Variants in CLDN10 observed in about 807,000 individuals in gnomAD.
CLDN10 encodes claudin 10, also known as claudin-10.
A neutral mutation model predicts 22.9 loss-of-function variants in CLDN10; 15 were observed. That is an observed-to-expected ratio of 0.65 (90% CI 0.44 to 1.01). CLDN10 has a LOEUF of 1.01. CLDN10 is among the 50% of genes least tolerant of loss of function. The pLI, the probability that CLDN10 is intolerant of heterozygous loss-of-function variation, is 0.00. For missense variants in CLDN10, 247 were observed against 287.8 expected (o/e 0.86, Z 1.03); for synonymous variants, 114 against 111.4 (o/e 1.02, Z -0.15).
At chr13:95,577,034 G>A (rs1273484968) in intron 3 of CLDN10, among the ~76,000 whole-genome samples, 197 bp from the exon 4 acceptor site, 1 of 152,174 alleles carries the variant, frequency 6.6e-6, no homozygotes, top group African/African-American at 2.4e-5. Flanking sequence ...TCAGGATGTT[G>A]GGATGGTCTA....
At chr13:95,456,663 G>A (rs2042484762) in intron 1 of CLDN10, among the ~76,000 whole-genome samples, 1 of 152,118 alleles carries the variant, frequency 6.6e-6, no homozygotes, top group African/African-American at 2.4e-5. Flanking sequence ...AGGTTGAGAT[G>A]GGAGGATTGC....
At chr13:95,465,410 G>A (rs2042574002) in intron 1 of CLDN10, among the ~76,000 whole-genome samples, 1 of 152,134 alleles carries the variant, frequency 6.6e-6, no homozygotes, top group African/African-American at 2.4e-5. Flanking sequence ...CTCACTTATG[G>A]TAGTAGAATT....
chr13:95,554,885 T>C (rs1446044523), intron 1 of CLDN10, among the ~76,000 whole-genome samples: 1 of 152,216 alleles, frequency 6.6e-6, no homozygotes, highest in Non-Finnish European at 1.5e-5. Flanking sequence ...TCTTTGTATG[T>C]GTGTGTATTT....
intron 1 of CLDN10, among the ~76,000 whole-genome samples, chr13:95,517,536 T>A (rs1395950007): frequency 6.6e-6 from 1 of 152,228 alleles, no homozygotes; most frequent in African/African-American, 2.4e-5. Flanking sequence ...CACTTCCTAT[T>A]CTTCAGAAAA....
chr13:95,463,399 C>A (rs1386935557), intron 1 of CLDN10, among the ~76,000 whole-genome samples: 1 of 125,708 alleles, frequency 8.0e-6, no homozygotes, highest in South Asian at 2.7e-4. Flanking sequence ...GTAGCATGAT[C>A]ATGGCTCACT....
chr13:95,566,715 G>T (rs1400118135), intron 3 of CLDN10, among the ~76,000 whole-genome samples: 5 of 152,142 alleles, frequency 3.3e-5, no homozygotes, highest in Non-Finnish European at 7.3e-5. Context: ...GTCCTGAATG[G>T]TATTGCCTAG....
intron 1 of CLDN10, among the ~76,000 whole-genome samples, chr13:95,471,177 C>T (rs1357247914): frequency 6.6e-6 from 1 of 151,900 alleles, no homozygotes; most frequent in African/African-American, 2.4e-5. Flanking sequence ...AAGACAGATC[C>T]AAAGGTCCAG....
chr13:95,484,686 TACAAAAAAAAAAAAAAAAAACCC>T (rs2042783723), intron 1 of CLDN10, among the ~76,000 whole-genome samples: 2 of 30,954 alleles, frequency 6.5e-5, no homozygotes, highest in Non-Finnish European at 1.2e-4. Context: ...CTACTAAAAA[TACAAAAAAAAAAAAAAAAAACCC>T]ACAAAAATTA....
chr13:95,576,769 T>G (rs1184183006), intron 3 of CLDN10, among the ~76,000 whole-genome samples: 1 of 152,224 alleles, frequency 6.6e-6, no homozygotes, highest in Non-Finnish European at 1.5e-5. Context: ...ACTGCAGCGA[T>G]TAGTGACGAT....
intron 1 of CLDN10, among the ~76,000 whole-genome samples, chr13:95,442,201 C>G (rs2042330878): frequency 6.6e-6 from 1 of 152,090 alleles, no homozygotes; most frequent in Admixed American, 6.6e-5. Flanking sequence ...TATGTAGTAC[C>G]AGACACAAGG....
chr13:95,565,946 G>A (rs551862661), intron 3 of CLDN10, among the ~76,000 whole-genome samples: 2 of 152,232 alleles, frequency 1.3e-5, no homozygotes, highest in East Asian at 3.9e-4. Context: ...CCCTGCCAAG[G>A]ACATGAACTC....
intron 1 of CLDN10, among the ~76,000 whole-genome samples, chr13:95,535,185 A>G (rs1220688732): frequency 6.6e-6 from 1 of 152,162 alleles, no homozygotes; most frequent in Non-Finnish European, 1.5e-5. Flanking sequence ...TGTCATGATA[A>G]GATACACAGA....
intron 1 of CLDN10, among the ~76,000 whole-genome samples, chr13:95,447,300 G>A (rs980183440): frequency 7.9e-5 from 12 of 152,120 alleles, no homozygotes; most frequent in African/African-American, 1.4e-4. Flanking sequence ...TCCTACAAAC[G>A]TCCCCACTAA....
At chr13:95,547,132 T>TG (rs1158655148) in intron 1 of CLDN10, among the ~76,000 whole-genome samples, 1 of 151,518 alleles carries the variant, frequency 6.6e-6, no homozygotes, top group Non-Finnish European at 1.5e-5. Flanking sequence ...GTGATCTTGC[T>TG]GCCTCAGCCT....
intron 1 of CLDN10, among the ~76,000 whole-genome samples, chr13:95,517,297 G>A (rs933789421): frequency 9.9e-5 from 15 of 152,102 alleles, no homozygotes; most frequent in African/African-American, 3.1e-4. Flanking sequence ...CAAATAAGTC[G>A]GGGCAGCCAT....
chr13:95,522,783 T>G (rs557026498), intron 1 of CLDN10, among the ~76,000 whole-genome samples: 6 of 152,124 alleles, frequency 3.9e-5, no homozygotes, highest in Non-Finnish European at 8.8e-5. Flanking sequence ...ATGAATTGGG[T>G]TTTTTTACAT....
At chr13:95,538,133 C>T (rs982829496) in intron 1 of CLDN10, among the ~76,000 whole-genome samples, 3 of 149,364 alleles carry the variant, frequency 2.0e-5, no homozygotes, top group Admixed American at 1.3e-4. Flanking sequence ...ATCTGTGACC[C>T]ATTGACAAAC....
intron 1 of CLDN10, among the ~76,000 whole-genome samples, chr13:95,557,624 G>A (rs2043655651): frequency 6.6e-6 from 1 of 152,080 alleles, no homozygotes; most frequent in South Asian, 2.1e-4. Flanking sequence ...GCTGGAGAAA[G>A]GTACCTCATT....
At position 95,525,648 on chromosome 13, in the gene CLDN10, C is replaced by T. The variant is rs533210607; in HGVS notation, c.215-34484C>T. Among the ~76,000 whole-genome samples the T allele has an allele frequency of 5.3e-5, 8 of 152,104 alleles. No individual in the cohort carries two copies. The South Asian group carries it at 6.2e-4, about 12-fold the overall frequency. Reference sequence around the variant, plus strand: ...CTGGGATTACAGGCGTGCACCACCGCGCCCAGCTGATTTTTGTATTTTTAG... The same window carrying T: ...CTGGGATTACAGGCGTGCACCACCGTGCCCAGCTGATTTTTGTATTTTTAG... On this transcript the variant is annotated intron_variant, in intron 1 of 4. Coordinates refer to the CLDN10 transcript ENST00000376873.
Sources: gnomAD v4.1 joint callset for allele counts (sites outside exome capture counted in the v4.1 genomes callset) on GRCh38, gnomAD v4.1.1 for gene constraint, MANE v1.5 for transcripts, NCBI Gene and HGNC (gene_info 2026-07-23, HGNC 2026-07-21) for gene names.